RBMS3: variants seen among roughly 807,000 people sequenced by gnomAD.
RBMS3 encodes RNA binding motif single stranded interacting protein 3.
Under a neutral mutation model 66.8 loss-of-function variants are expected in RBMS3, and 27 were observed. The observed-to-expected ratio is 0.40, with a 90% CI of 0.30 to 0.56. RBMS3 has a LOEUF of 0.56. Ranked by LOEUF, RBMS3 falls within the 20% of genes least tolerant of loss-of-function variation. The pLI, the probability that RBMS3 is intolerant of heterozygous loss-of-function variation, is 0.40. For missense variants in RBMS3, 513 were observed against 549.5 expected (o/e 0.93, Z 0.66); for synonymous variants, 188 against 183.0 (o/e 1.03, Z -0.22).
chr3:29,336,371 A>C (rs1314935807), intron 1 of RBMS3, among the ~76,000 whole-genome samples: 1 of 152,166 alleles, frequency 6.6e-6, no homozygotes, highest in East Asian at 1.9e-4. Context: ...CTTTTCCATC[A>C]AACTCAATTA....
At chr3:29,724,622 A>G (rs563216014) in intron 4 of RBMS3, among the ~76,000 whole-genome samples, 1 of 152,278 alleles carries the variant, frequency 6.6e-6, no homozygotes, top group South Asian at 2.1e-4. Context: ...TATACAGTCA[A>G]TCCAAATTGA....
chr3:29,446,115 GA>G (rs1247967575), intron 2 of RBMS3, among the ~76,000 whole-genome samples: 4 of 152,104 alleles, frequency 2.6e-5, no homozygotes. Context: ...AGAAAACAAA[GA>G]GACGGCATAA....
At chr3:29,359,832 G>A (rs373659494) in intron 1 of RBMS3, among the ~76,000 whole-genome samples, 19 of 152,168 alleles carry the variant, frequency 1.2e-4, no homozygotes, top group East Asian at 1.9e-4. Context: ...GTTTATTTGC[G>A]TAGAGGTGTT....
rs549419507 is a variant in RBMS3 at position 29,835,254 on chromosome 3, A to C, written c.638-33604A>C. 8.5e-5 allele frequency among the ~76,000 whole-genome samples: 13 copies of C among 152,146 alleles called. No individual in the cohort carries two copies. In the South Asian group the frequency reaches 2.7e-3, roughly 31 times the overall value. On this transcript the variant is annotated intron_variant, in intron 6 of 14. Transcript: ENST00000383767. Reference sequence around the variant, plus strand: ...TCCAGACGGAAATCAATAAGAAAACATTGGACTTTAACTACATTTTAGAAC... The same window carrying C: ...TCCAGACGGAAATCAATAAGAAAACCTTGGACTTTAACTACATTTTAGAAC...
In RBMS3 at chr3:29,471,093, T is replaced by C. The variant is rs143970377; in HGVS notation, c.249-17348T>C. Among the ~76,000 whole-genome samples the C allele has an allele frequency of 1.1e-3, 165 of 152,294 alleles. No homozygotes were observed. In the Middle Eastern group the frequency reaches 0.02, roughly 19 times the overall value. On this transcript the variant is annotated intron_variant, in intron 2 of 14. Transcript: ENST00000383767. ...TTAACGCCAGATACAAAATAATTTA[T>C]GTAATAAGATTACCACTGTGTGAAA...
intron 1 of RBMS3, among the ~76,000 whole-genome samples, chr3:29,414,013 A>T (rs1288509108): frequency 6.6e-6 from 1 of 152,200 alleles, no homozygotes; most frequent in Non-Finnish European, 1.5e-5. Flanking sequence ...GAATGTGCTT[A>T]AACACACTTA....
intron 6 of RBMS3, among the ~76,000 whole-genome samples, chr3:29,774,227 A>G (rs2056338726): frequency 1.3e-5 from 2 of 152,162 alleles, no homozygotes; most frequent in Middle Eastern, 3.4e-3. Flanking sequence ...TTCACTGGAA[A>G]TAGACATACT....
chr3:30,004,121 A>T lies in RBMS3; in HGVS notation c.*259A>T, dbSNP rs1360467514. 1 of 320,674 alleles carries T rather than the reference A, an allele frequency of 3.1e-6. No individual in the cohort carries two copies. Among genetic ancestry groups the T allele is most frequent in the Non-Finnish European group, 5.6e-6 (1 of 177,646 alleles). The allele number at this position is 320,674 out of a possible 1,614,324, so 19.9% of individuals were successfully genotyped here. On this transcript the variant is annotated 3_prime_UTR_variant, in exon 15 of 15. Coordinates refer to ENST00000383767, the MANE Select transcript of RBMS3 (RefSeq NM_001003793.3). The stretch of plus-strand genomic sequence containing the variant: ...AAAAATTTCCAGAAGAGGAAAAAAA[A>T]ACTACAAAAAACAAAACATTGAAGG...
chr3:29,948,275 T>G (rs1016508132), intron 12 of RBMS3, among the ~76,000 whole-genome samples: 3 of 151,802 alleles, frequency 2.0e-5, no homozygotes, highest in Non-Finnish European at 4.4e-5. Context: ...TTCACTGTTA[T>G]AAACAGCATG....
intron 4 of RBMS3, among the ~76,000 whole-genome samples, chr3:29,725,697 T>G (rs1176230969): frequency 6.6e-6 from 1 of 152,080 alleles, no homozygotes; most frequent in Non-Finnish European, 1.5e-5. Flanking sequence ...TAACAAGTTC[T>G]GAAATTGAGA....
chr3:29,733,289 C>T (rs1426625459), intron 4 of RBMS3, among the ~76,000 whole-genome samples: 2 of 151,598 alleles, frequency 1.3e-5, no homozygotes, highest in African/African-American at 2.4e-5. Context: ...TCTATAAATT[C>T]GTTATACACA....
chr3:29,501,245 A>G (rs924109138), intron 3 of RBMS3, among the ~76,000 whole-genome samples: 2 of 152,184 alleles, frequency 1.3e-5, no homozygotes, highest in African/African-American at 2.4e-5. Flanking sequence ...TTTGCCACAT[A>G]TTATGTCTTA....
intron 2 of RBMS3, among the ~76,000 whole-genome samples, chr3:29,470,444 T>G (rs2042686954): frequency 6.6e-6 from 1 of 152,084 alleles, no homozygotes; most frequent in South Asian, 2.1e-4. Context: ...TCAGTTATTC[T>G]CTAACAAGAT....
chr3:29,872,179 A>T (rs1044258067), intron 7 of RBMS3, among the ~76,000 whole-genome samples: 6 of 152,042 alleles, frequency 3.9e-5, no homozygotes, highest in African/African-American at 1.4e-4. Context: ...TGGTCTCTGG[A>T]TCCCTTTATA....
At chr3:29,578,175 T>C (rs781450997) in intron 3 of RBMS3, among the ~76,000 whole-genome samples, 27 of 152,166 alleles carry the variant, frequency 1.8e-4, no homozygotes, top group Non-Finnish European at 3.4e-4. Context: ...AGCTCGAGAG[T>C]TAGTTTTAGT....
chr3:29,413,364 C>T (rs2040349320), intron 1 of RBMS3, among the ~76,000 whole-genome samples: 1 of 147,110 alleles, frequency 6.8e-6, no homozygotes, highest in Non-Finnish European at 1.5e-5. Context: ...AGTGAAACTC[C>T]ATCTCATTCA....
At chr3:29,414,956 T>G (rs1156473946) in intron 1 of RBMS3, among the ~76,000 whole-genome samples, 2 of 152,190 alleles carry the variant, frequency 1.3e-5, no homozygotes, top group African/African-American at 4.8e-5. Context: ...ACCGGCACAT[T>G]GATCAGCCTA....
intron 1 of RBMS3, among the ~76,000 whole-genome samples, chr3:29,283,552 A>G (rs970916025): frequency 2.0e-5 from 3 of 152,100 alleles, no homozygotes; most frequent in South Asian, 2.1e-4. Flanking sequence ...GAGATTGTAG[A>G]TATCTGTTTT....
intron 6 of RBMS3, among the ~76,000 whole-genome samples, chr3:29,770,076 T>C (rs372411060): frequency 1.3e-5 from 2 of 152,026 alleles, no homozygotes; most frequent in African/African-American, 4.8e-5. Context: ...AACTCATTCT[T>C]GAACAGTGCA....
Sources: allele counts gnomAD v4.1 joint callset (sites outside exome capture counted in the v4.1 genomes callset), GRCh38; gene constraint gnomAD v4.1.1; transcripts MANE v1.5; gene names NCBI Gene and HGNC (gene_info 2026-07-23, HGNC 2026-07-21).